DEK: variants seen among roughly 807,000 people sequenced by gnomAD.
DEK encodes DEK proto-oncogene, also known as protein DEK.
In DEK, 28 loss-of-function variants were observed where a neutral mutation model predicts 46.8. That is an observed-to-expected ratio of 0.60 (90% CI 0.44 to 0.82). The LOEUF (loss-of-function observed/expected upper bound fraction) is 0.82, where lower values mean the gene tolerates loss of function less well. DEK is among the 40% of genes least tolerant of loss of function. The pLI, the probability that DEK is intolerant of heterozygous loss-of-function variation, is 0.00. For synonymous variants in DEK, 160 were observed against 144.5 expected, an observed-to-expected ratio of 1.11 and a Z score of -0.77; for missense variants, 416 against 430.6, an observed-to-expected ratio of 0.97 and a Z score of 0.30.
chr6:18,242,865 T>G (rs1159334016), intron 7 of DEK, among the ~76,000 whole-genome samples: 1 of 152,206 alleles, frequency 6.6e-6, no homozygotes, highest in Non-Finnish European at 1.5e-5. Context: ...ACAAATCTTC[T>G]ATATGTGAAA....
In DEK at chr6:18,246,156, A is replaced by G. The variant is rs568712310; in HGVS notation, c.762+3495T>C. Among the ~76,000 whole-genome samples the G allele has an allele frequency of 4.1e-4, 62 of 152,364 alleles. 1 individual carries two copies. The highest frequency in any genetic ancestry group is 1.4e-3 in the African/African-American group (57 of 41,588). ...TAGCAATCCTGCCCTGAAGAAGCTAATCCCACATAGGAACCAGCTGATTTT... is the reference window on the plus strand; with the variant it reads ...TAGCAATCCTGCCCTGAAGAAGCTAGTCCCACATAGGAACCAGCTGATTTT... On this transcript the variant is annotated intron_variant, in intron 7 of 10. Transcript: ENST00000652689.
At chr6:18,230,735 T>G (rs1227687780) in intron 9 of DEK, among the ~76,000 whole-genome samples, 1 of 152,158 alleles carries the variant, frequency 6.6e-6, no homozygotes, top group African/African-American at 2.4e-5. Flanking sequence ...AAGCAAGTCC[T>G]TAGAGACCTA....
At position 18,264,004 on chromosome 6, in the gene DEK, C is replaced by A. The variant is rs1366380055; in HGVS notation, c.-9-8G>T. 1.3e-6 allele frequency: 2 copies of A among 1,591,300 alleles called. No homozygotes were observed. Among genetic ancestry groups the A allele is most frequent in the East Asian group, 2.3e-5 (1 of 44,362 alleles). On this transcript the variant is annotated splice_region_variant and splice_polypyrimidine_tract_variant and intron_variant, in intron 1 of 10. Transcript: ENST00000652689. Reference sequence around the variant, plus strand: ...GGCGGACATGCTGTGAACCTGCATGCGGGAAGAAAGCCGGACGTCTCGGTC... The same window carrying A: ...GGCGGACATGCTGTGAACCTGCATGAGGGAAGAAAGCCGGACGTCTCGGTC...
intron 6 of DEK, 149 bp from the exon 7 acceptor site, chr6:18,249,988 G>T (rs116394771): frequency 1.6e-6 from 2 of 1,267,472 alleles, no homozygotes; most frequent in South Asian, 1.8e-5. Context: ...ATCTTTAACC[G>T]TGTCAGGTTA....
intron 9 of DEK, among the ~76,000 whole-genome samples, chr6:18,233,759 T>C (rs1250562367): frequency 6.9e-6 from 1 of 145,474 alleles, no homozygotes; most frequent in Non-Finnish European, 1.5e-5. Context: ...GGACTTTAAC[T>C]AGTTCAACCA....
intron 9 of DEK, among the ~76,000 whole-genome samples, chr6:18,235,952 T>C (rs1790629466): frequency 6.6e-6 from 1 of 152,242 alleles, no homozygotes. Flanking sequence ...GACAAGTTTC[T>C]AAAATTTCCA....
At chr6:18,255,521 C>T (rs1017196400) in intron 6 of DEK, among the ~76,000 whole-genome samples, 1 of 152,116 alleles carries the variant, frequency 6.6e-6, no homozygotes, top group Non-Finnish European at 1.5e-5. Context: ...ACCTTATATC[C>T]CTTGTATCTG....
chr6:18,245,426 A>G (rs558713651), intron 7 of DEK, among the ~76,000 whole-genome samples: 3 of 151,414 alleles, frequency 2.0e-5, no homozygotes, highest in African/African-American at 7.2e-5. Flanking sequence ...TAAGGCTGAC[A>G]ATTATTTCAG....
At chr6:18,250,773 G>C (rs1003220038) in intron 6 of DEK, among the ~76,000 whole-genome samples, 34 of 151,514 alleles carry the variant, frequency 2.2e-4, no homozygotes, top group African/African-American at 8.0e-4. Flanking sequence ...TGGGATACAG[G>C]CATGAGCCAC....
chr6:18,256,478 A>T, intron 4 of DEK, 23 bp from the exon 5 acceptor site: 1 of 1,579,868 alleles, frequency 6.3e-7, no homozygotes, highest in Non-Finnish European at 8.7e-7. Flanking sequence ...CTTATTATTA[A>T]TGGTATTTAT....
intron 7 of DEK, among the ~76,000 whole-genome samples, chr6:18,249,126 C>T (rs1293664915): frequency 6.6e-6 from 1 of 152,076 alleles, no homozygotes; most frequent in Non-Finnish European, 1.5e-5. Context: ...TTTACAAATA[C>T]TCCCAAATAA....
intron 7 of DEK, among the ~76,000 whole-genome samples, chr6:18,247,386 C>G (rs1314396625): frequency 6.6e-6 from 1 of 152,060 alleles, no homozygotes; most frequent in Non-Finnish European, 1.5e-5. Flanking sequence ...TATGATATAG[C>G]TTTTATATTG....
intron 7 of DEK, among the ~76,000 whole-genome samples, chr6:18,240,003 G>T (rs1164684797): frequency 1.3e-5 from 2 of 152,154 alleles, no homozygotes; most frequent in East Asian, 3.8e-4. Flanking sequence ...TTGAGCAAAA[G>T]AAACAATATC....
At position 18,249,962 on chromosome 6, in the gene DEK, A is replaced by G. The variant is rs982522310; in HGVS notation, c.574-123T>C. ...AAGAAATTGTATTTACAAGCCCAGCAGCTTTGCAGAGAATAATCTTTAACC... is the reference window on the plus strand; with the variant it reads ...AAGAAATTGTATTTACAAGCCCAGCGGCTTTGCAGAGAATAATCTTTAACC... On this transcript the variant is annotated intron_variant, in intron 6 of 10. Transcript: ENST00000652689. 3.6e-6 allele frequency: 5 copies of G among 1,379,438 alleles called. No homozygotes were observed. In the African/African-American group the frequency reaches 4.4e-5, roughly 12 times the overall value. 85.4% of individuals were successfully genotyped at this position (1,379,438 alleles called of 1,614,324 possible). A position where few individuals can be genotyped will look rare whatever the true frequency, so the allele number is the denominator to read the frequency against.
intron 2 of DEK, among the ~76,000 whole-genome samples, chr6:18,259,148 G>C (rs1487493319): frequency 2.6e-5 from 4 of 151,756 alleles, no homozygotes; most frequent in African/African-American, 9.7e-5. Context: ...GGCTAACTCG[G>C]TCAGGAGATC....
intron 7 of DEK, 79 bp from the exon 8 acceptor site, chr6:18,237,595 C>A (rs1790714047): frequency 6.8e-7 from 1 of 1,478,884 alleles, no homozygotes; most frequent in Non-Finnish European, 8.9e-7. Context: ...TTCCCCTATG[C>A]CCCTTAATAA....
intron 7 of DEK, among the ~76,000 whole-genome samples, chr6:18,241,958 G>A (rs1436552176): frequency 1.3e-5 from 2 of 152,170 alleles, no homozygotes; most frequent in East Asian, 3.8e-4. Flanking sequence ...GTTTTTAATA[G>A]CTTTTAGTTT....
intron 2 of DEK, among the ~76,000 whole-genome samples, chr6:18,262,098 C>G (rs1420799158): frequency 6.6e-6 from 1 of 152,022 alleles, no homozygotes; most frequent in East Asian, 1.9e-4. Flanking sequence ...ATGGCACCTC[C>G]CTCTACAACT....
At chr6:18,236,157 T>C (rs1231167365) in intron 9 of DEK, among the ~76,000 whole-genome samples, 5 of 152,178 alleles carry the variant, frequency 3.3e-5, no homozygotes, top group African/African-American at 1.2e-4. Context: ...GATACATCAA[T>C]AGAAACAACC....
Sources: allele counts gnomAD v4.1 joint callset (sites outside exome capture counted in the v4.1 genomes callset), GRCh38; gene constraint gnomAD v4.1.1; transcripts MANE v1.5; gene names NCBI Gene and HGNC (gene_info 2026-07-23, HGNC 2026-07-21).